The following CEP295NL variants were observed in gnomAD, a reference collection of about 807,000 sequenced individuals.
CEP295NL encodes the protein CEP295 N-terminal like.
CEP295NL carries 3 observed loss-of-function variants against 4.6 expected under a neutral mutation model. The observed-to-expected ratio is 0.65, with a 90% CI of 0.30 to 1.69. The LOEUF is 1.69. Ranked by LOEUF, CEP295NL falls within the 40% of genes most tolerant of loss-of-function variation. CEP295NL has a pLI of 0.10. For missense variants in CEP295NL, 719 were observed against 769.0 expected (o/e 0.93, Z 0.77); for synonymous variants, 295 against 312.2 (o/e 0.94, Z 0.58).
chr17:78,891,827 C>T lies in CEP295NL; in HGVS notation c.677G>A (p.Arg226Lys). ...CCCAGACTTGGTCGAAGGTTCTGGCCTTCCCTTTCTCTTCTCAGGCGGGGC... is the reference window on the plus strand; with the variant it reads ...CCCAGACTTGGTCGAAGGTTCTGGCTTTCCCTTTCTCTTCTCAGGCGGGGC... ...HLAPPEKRKG[R>K]PEPSTKSGGG... Residue 226 changes from arginine to lysine, a missense_variant, in exon 3 of 3, where the codon AGG (arginine) becomes AAG (lysine). Arg to Lys is a conservative substitution (Grantham distance 26). Transcript: ENST00000322630. This position sits in a 1 kb window ranked among gnomAD's most constrained non-coding sequence, Gnocchi z 4.5. 1 of 1,550,852 alleles carries T rather than the reference C, an allele frequency of 6.4e-7. No homozygotes were observed. Among genetic ancestry groups the T allele is most frequent in the Non-Finnish European group, 8.7e-7 (1 of 1,147,046 alleles).
intron 2 of CEP295NL, chr17:78,897,546 CCA>C (rs1313707470): frequency 6.6e-6 from 1 of 152,186 alleles, no homozygotes; most frequent in Admixed American, 6.5e-5. Flanking sequence ...GTGAATCCAC[CCA>C]CAGTGGGTGA....
chr17:78,902,451 G>A (rs1044386613), intron 1 of CEP295NL, among the ~76,000 whole-genome samples: 1 of 152,252 alleles, frequency 6.6e-6, no homozygotes, highest in Non-Finnish European at 1.5e-5. Context: ...ACCTGGGGCA[G>A]GGGTGGGTCA....
At chr17:78,897,105 C>G (rs1289261485) in intron 2 of CEP295NL, 1 of 552,714 alleles carries the variant, frequency 1.8e-6, no homozygotes, top group Admixed American at 6.4e-5. Context: ...ACCCCCCCGC[C>G]CCCCGCCGGC....
Position 78,893,472 on chromosome 17 carries a change from T to G in CEP295NL, c.45-1013A>C, listed in dbSNP as rs577009392. On this transcript the variant is annotated intron_variant, in intron 2 of 2. Transcript: ENST00000322630. The stretch of plus-strand genomic sequence containing the variant: ...CTGTGTGTGCAGGGGTGTGTGTGCA[T>G]AGCGGTGTGTGTGCAGGGGTGTGTG... 5.6e-5 allele frequency among the ~76,000 whole-genome samples: 8 copies of G among 144,076 alleles called. No homozygotes were observed. In the South Asian group the frequency reaches 1.6e-3, roughly 28 times the overall value. The allele number at this position is 144,076 out of a possible 152,430, so 94.5% of individuals were successfully genotyped here. A position where few individuals can be genotyped will look rare whatever the true frequency, so the allele number is the denominator to read the frequency against.
intron 2 of CEP295NL, among the ~76,000 whole-genome samples, chr17:78,893,498 C>A (rs958051795): frequency 7.5e-6 from 1 of 133,666 alleles, no homozygotes; most frequent in East Asian, 2.2e-4. Context: ...GGGGTGTGTG[C>A]GCGCAGGGGT....
Position 78,892,101 on chromosome 17 carries a change from C to A in CEP295NL, c.403G>T (p.Ala135Ser). 6.4e-7 allele frequency: 1 copy of A among 1,551,738 alleles called. No homozygotes were observed. Among genetic ancestry groups the A allele is most frequent in the African/African-American group, 1.4e-5 (1 of 73,216 alleles). ...CCTCCTCCCCAGCCCAACAGACGTG[C>A]TGACTGCAGCCTGTCCAGGCCACCG... ...HVGGLDRLQS[A>S]RLLGWGGGRA... is the part of the protein sequence containing the mutation. The change falls in exon 3 of 3, where the codon GCA (alanine) becomes TCA (serine). Residue 135 changes from alanine to serine, a missense_variant. Ala to Ser is a moderately conservative substitution (Grantham distance 99). Coordinates refer to ENST00000322630, the MANE Select transcript of CEP295NL (RefSeq NM_001243540.2).
intron 2 of CEP295NL, 77 bp from the exon 3 acceptor site, chr17:78,892,536 C>T (rs1161869228): frequency 8.2e-6 from 12 of 1,471,034 alleles, no homozygotes; most frequent in Admixed American, 5.1e-5. Flanking sequence ...GACAAGCACA[C>T]GGGATTCTCA....
chr17:78,901,137 G>A (rs35198972), intron 2 of CEP295NL: 74,926 of 152,550 alleles, frequency 0.49, 19,389 homozygotes, highest in African/African-American at 0.66. Context: ...GCTTCCGGGA[G>A]GGCTCAGGAA....
At position 78,892,310 on chromosome 17, in the gene CEP295NL, A is replaced by C; in HGVS notation, c.194T>G (p.Leu65Arg). Residue 65 changes from leucine to arginine, a missense_variant, in exon 3 of 3, where the codon CTG becomes CGG. By Grantham distance (102) the Leu-to-Arg change is moderately radical. Transcript: ENST00000322630. ...GTCTTCGTTATCAGGACAGAGGCTC[A>C]GCCACATGGCTCCATCCATGTTTCT... ...RNRNMDGAMW[L>R]SLCPDNEDLL... The C allele has an allele frequency of 6.4e-7, 1 of 1,550,680 alleles. No individual in the cohort carries two copies. The highest frequency in any genetic ancestry group is 8.7e-7 in the Non-Finnish European group (1 of 1,147,024).
rs1249118670 is a variant in CEP295NL at position 78,891,480 on chromosome 17, C to G, written c.1024G>C (p.Glu342Gln). Residue 342 changes from glutamate to glutamine, a missense_variant, in exon 3 of 3, where the codon GAG (glutamate) becomes CAG (glutamine). Transcript: ENST00000322630. This position sits in a 1 kb window ranked among gnomAD's most constrained non-coding sequence, Gnocchi z 4.5. ...TTAAACAACTCTTCAAAGGCCAACT[C>G]CAGCTCTTTCTGCCACTTGTTCTTC... ...REKNKWQKELELAFEELFNIN... is the reference protein window; with the variant it reads ...REKNKWQKELQLAFEELFNIN... 6.4e-7 allele frequency: 1 copy of G among 1,551,058 alleles called. No individual in the cohort carries two copies. Among genetic ancestry groups the G allele is most frequent in the Non-Finnish European group, 8.7e-7 (1 of 1,147,134 alleles).
intron 2 of CEP295NL, among the ~76,000 whole-genome samples, chr17:78,900,703 T>C (rs2070077697): frequency 1.3e-5 from 2 of 151,972 alleles, no homozygotes; most frequent in African/African-American, 4.8e-5. Context: ...AGGTGGAAAA[T>C]TGTTGCTAGA....
rs768482819 is a variant in CEP295NL, at chr17:78,892,291, G to A, written c.213C>T (p.Asn71=). The A allele has an allele frequency of 3.9e-6, 6 of 1,550,590 alleles. No homozygotes were observed. Among genetic ancestry groups the A allele is most frequent in the South Asian group, 1.2e-5 (1 of 84,068 alleles). Residue 71 remains asparagine (N), a synonymous_variant, in exon 3 of 3, where the codon AAC becomes AAT. Coordinates refer to ENST00000322630, the MANE Select transcript of CEP295NL (RefSeq NM_001243540.2). ...GAMWLSLCPD[N]EDLLWRKKHK... ...GCTTTTTCCTCCAAAGCAGGTCTTC[G>A]TTATCAGGACAGAGGCTCAGCCACA...
chr17:78,891,951 C>T lies in CEP295NL; in HGVS notation c.553G>A (p.Gly185Ser). 1 of 1,550,596 alleles carries T rather than the reference C, an allele frequency of 6.4e-7. No homozygotes were observed. Among genetic ancestry groups the T allele is most frequent in the Non-Finnish European group, 8.7e-7 (1 of 1,147,008 alleles). ...CTGGAGTGCCTGGGGTGTTGCTGGCCCAACTCTTCCCTGCAACTCCTCTCT... is the reference window on the plus strand; with the variant it reads ...CTGGAGTGCCTGGGGTGTTGCTGGCTCAACTCTTCCCTGCAACTCCTCTCT... ...SEERSCREEL[G>S]QQHPRHSRPR... Residue 185 changes from glycine to serine, a missense_variant, in exon 3 of 3, where the codon GGC (glycine) becomes AGC (serine). Transcript: ENST00000322630. The surrounding 1 kb of genome is among the most constrained non-coding windows in gnomAD (Gnocchi z 4.5).
rs1389084507 is a variant in CEP295NL at position 78,892,146 on chromosome 17, C to T, written c.358G>A (p.Glu120Lys). The change falls in exon 3 of 3, where the codon GAG (glutamate) becomes AAG (lysine). Residue 120 changes from glutamate (E) to lysine (K), a missense_variant. Glu to Lys is a moderately conservative substitution (Grantham distance 56, BLOSUM62 1). Transcript: ENST00000322630. ...CCACCGACGTGCAGGTGCTGTGCCT[C>T]CTGATACCCTCTCCTCAACTCCTCA... The part of the protein sequence containing the change: ...LAEELRRGYQ[E>K]AQHLHVGGLD... 6.4e-7 allele frequency: 1 copy of T among 1,550,942 alleles called. No individual in the cohort carries two copies. The highest frequency in any genetic ancestry group is 8.7e-7 in the Non-Finnish European group (1 of 1,147,122).
chr17:78,896,151 C>T lies in CEP295NL; in HGVS notation c.45-3692G>A, dbSNP rs531406446. ...ACACCATCAGATGCAACCTCGTCCC[C>T]GCTACCCCAGCTCTCCTTGCTCTCC... On this transcript the variant is annotated intron_variant, in intron 2 of 2. Transcript: ENST00000322630. The surrounding 1 kb of genome is among the most constrained non-coding windows in gnomAD (Gnocchi z 4.4). Among the ~76,000 whole-genome samples the T allele has an allele frequency of 9.2e-5, 14 of 152,364 alleles. No homozygotes were observed. The highest frequency in any genetic ancestry group is 6.8e-3 in the Middle Eastern group (2 of 294).
Position 78,901,786 on chromosome 17 carries a change from G to C in CEP295NL, c.43C>G (p.Gln15Glu), listed in dbSNP as rs778595734. 2.8e-6 allele frequency: 2 copies of C among 717,286 alleles called. No homozygotes were observed. The highest frequency in any genetic ancestry group is 2.7e-5 in the East Asian group (1 of 37,260). 44.4% of individuals were successfully genotyped at this position (717,286 alleles called of 1,614,324 possible). A position where few individuals can be genotyped will look rare whatever the true frequency, so the allele number is the denominator to read the frequency against. ...WSSSVIWRHT[Q>E]FAVERCGFCG... ...TTGGGGAAGAGGGGTGGTACTTACT[G>C]TGTGTGTCTCCAGATGACTGAGCTA... Residue 15 changes from glutamine (Q) to glutamate (E), a missense_variant and splice_region_variant, in exon 2 of 3, where the codon CAG becomes GAG. By Grantham distance (29) the Gln-to-Glu change is conservative. Transcript: ENST00000322630.
rs1432892678 is a variant in CEP295NL, at chr17:78,890,906, T to C, written c.1598A>G (p.His533Arg). Residue 533 changes from histidine to arginine, a missense_variant, in exon 3 of 3, where the codon CAC (histidine) becomes CGC (arginine). Coordinates refer to ENST00000322630, the MANE Select transcript of CEP295NL (RefSeq NM_001243540.2). ...CTCTTTTTCTAGCTCAGCTTTGTAG[T>C]GGATTTCCAAGCTCATATCTGGGTG... ...MEHPDMSLEI[H>R]YKAELEKERR... 1 of 1,550,700 alleles carries C rather than the reference T, an allele frequency of 6.4e-7. No homozygotes were observed. The highest frequency in any genetic ancestry group is 8.7e-7 in the Non-Finnish European group (1 of 1,147,060).
rs1247076450 is a variant in CEP295NL at position 78,891,730 on chromosome 17, A to G, written c.774T>C (p.Ala258=). ...CCACAAGCCCGATTTCTCCCACAGC[A>G]GCCACGAGTGGGTTTGACCTTTCTA... ...ADLERSNPLV[A]AVGEIGLVEE... The change falls in exon 3 of 3, where the codon GCT becomes GCC. Residue 258 remains alanine (A), a synonymous_variant. Coordinates refer to ENST00000322630, the MANE Select transcript of CEP295NL (RefSeq NM_001243540.2). The surrounding 1 kb of genome is among the most constrained non-coding windows in gnomAD (Gnocchi z 4.5). The G allele has an allele frequency of 5.8e-6, 9 of 1,551,094 alleles. No individual in the cohort carries two copies. Among genetic ancestry groups the G allele is most frequent in the Non-Finnish European group, 7.0e-6 (8 of 1,147,144 alleles).
chr17:78,891,732 C>T lies in CEP295NL; in HGVS notation c.772G>A (p.Ala258Thr), dbSNP rs1391523469. The T allele has an allele frequency of 5.8e-6, 9 of 1,551,242 alleles. No homozygotes were observed. In the East Asian group the frequency reaches 1.7e-4, roughly 29 times the overall value. ...ACAAGCCCGATTTCTCCCACAGCAG[C>T]CACGAGTGGGTTTGACCTTTCTAGG... is the stretch of plus-strand genomic sequence containing the variant. Reference protein sequence around the residue: ...ADLERSNPLVAAVGEIGLVEE... With the variant: ...ADLERSNPLVTAVGEIGLVEE... Residue 258 changes from alanine to threonine, a missense_variant, in exon 3 of 3, where the codon GCT becomes ACT. Transcript: ENST00000322630. This position sits in a 1 kb window ranked among gnomAD's most constrained non-coding sequence, Gnocchi z 4.5.
Sources: gnomAD v4.1 joint callset for allele counts (sites outside exome capture counted in the v4.1 genomes callset) on GRCh38, gnomAD v4.1.1 for gene constraint, Gnocchi (gnomAD v3.1) non-coding constraint, MANE v1.5 for transcripts, NCBI Gene and HGNC (gene_info 2026-07-23, HGNC 2026-07-21) for gene names.